Variants in AFG3L2 observed in about 807,000 individuals in gnomAD.
The protein encoded by AFG3L2 is mitochondrial inner membrane m-AAA protease component AFG3L2.
In AFG3L2, 54 loss-of-function variants were observed where a neutral mutation model predicts 94.5. That is an observed-to-expected ratio of 0.57 (90% CI 0.46 to 0.72). The LOEUF is 0.72. AFG3L2 is among the 30% of genes least tolerant of loss of function. AFG3L2 has a pLI of 0.00. For missense variants in AFG3L2, 754 were observed against 994.9 expected (o/e 0.76, Z 3.26); for synonymous variants, 377 against 365.5 (o/e 1.03, Z -0.36).
intron 1 of AFG3L2, among the ~76,000 whole-genome samples, chr18:12,375,055 C>CA (rs201750735): frequency 0.044 from 4,415 of 100,616 alleles, 101 homozygotes; most frequent in African/African-American, 0.077. Flanking sequence ...GACCCTGTCT[C>CA]AAAAAAAAAA....
intron 5 of AFG3L2, among the ~76,000 whole-genome samples, chr18:12,366,759 A>G (rs1908819476): frequency 2.0e-5 from 3 of 152,214 alleles, no homozygotes. Context: ...TAGTGAAATA[A>G]AAGAATTTGT....
intron 3 of AFG3L2, among the ~76,000 whole-genome samples, chr18:12,368,005 T>C (rs745982681): frequency 1.4e-4 from 21 of 151,914 alleles, no homozygotes; most frequent in Non-Finnish European, 1.9e-4. Context: ...CTGTCTCTAC[T>C]AAAAATACAA....
At chr18:12,363,919 G>A in intron 5 of AFG3L2, 63 bp from the exon 6 acceptor site, 4 of 1,264,194 alleles carry the variant, frequency 3.2e-6, no homozygotes, top group Non-Finnish European at 4.6e-6. Flanking sequence ...ACTCTTTTAA[G>A]CTCATTTAAA....
chr18:12,340,754 C>A (rs1449734647), intron 14 of AFG3L2, among the ~76,000 whole-genome samples: 1 of 151,914 alleles, frequency 6.6e-6, no homozygotes, highest in Non-Finnish European at 1.5e-5. Flanking sequence ...CACCACCAGG[C>A]CTGGCTAATT....
intron 16 of AFG3L2, among the ~76,000 whole-genome samples, chr18:12,333,098 C>T (rs1348010878): frequency 3.9e-5 from 1 of 25,602 alleles, no homozygotes; most frequent in African/African-American, 9.7e-5. Context: ...AGATTATAAT[C>T]TATTATATAA....
rs1907781566 is a variant in AFG3L2 at position 12,337,373 on chromosome 18, G to C, written c.2143C>G (p.Leu715Val). ...ACGTCAGCTTTCTTTTCTGTGAGAA[G>C]AGCTACTGTTCTTTTATAAGCATCA... ...INDAYKRTVA[L>V]LTEKKADVEK... Residue 715 changes from leucine (L) to valine (V), a missense_variant, in exon 16 of 17, where the codon CTT becomes GTT. Leu to Val is a conservative substitution (Grantham distance 32). Around this residue, in one of 4 missense-constraint regions of AFG3L2, gnomAD observed 279 missense variants for 378.6 expected, o/e 0.74. Coordinates refer to ENST00000269143, the MANE Select transcript of AFG3L2 (RefSeq NM_006796.3). 1.2e-6 allele frequency: 2 copies of C among 1,614,014 alleles called. No individual in the cohort carries two copies. Among genetic ancestry groups the C allele is most frequent in the Admixed American group, 1.7e-5 (1 of 60,012 alleles).
At chr18:12,357,368 CCA>C (rs1418591657) in intron 8 of AFG3L2, among the ~76,000 whole-genome samples, 9 of 152,066 alleles carry the variant, frequency 5.9e-5, no homozygotes, top group Admixed American at 5.9e-4. Flanking sequence ...CACTGACTAC[CCA>C]CAAACAGTAT....
At chr18:12,375,738 G>T (rs1381693098) in intron 1 of AFG3L2, among the ~76,000 whole-genome samples, 1 of 152,124 alleles carries the variant, frequency 6.6e-6, no homozygotes, top group African/African-American at 2.4e-5. Flanking sequence ...GTAGAGATGG[G>T]GTTTCACCGT....
At chr18:12,361,626 G>A (rs184478277) in intron 6 of AFG3L2, among the ~76,000 whole-genome samples, 6 of 152,262 alleles carry the variant, frequency 3.9e-5, no homozygotes, top group Non-Finnish European at 5.9e-5. Context: ...CAGCCTGGGC[G>A]ACAAAGTCAG....
At chr18:12,368,198 AT>A (rs1364138485) in intron 3 of AFG3L2, among the ~76,000 whole-genome samples, 9 of 151,840 alleles carry the variant, frequency 5.9e-5, no homozygotes. Flanking sequence ...AAATAAAAAA[AT>A]AAAATAAAAA....
intron 16 of AFG3L2, among the ~76,000 whole-genome samples, chr18:12,333,018 TTAATAA>T (rs1204871209): frequency 6.3e-5 from 5 of 79,702 alleles, no homozygotes; most frequent in South Asian, 4.2e-4. Flanking sequence ...ATAAAATATA[TTAATAA>T]TATATAAAAA....
At chr18:12,370,971 A>G (rs940244428) in intron 2 of AFG3L2, 45 bp from the exon 3 acceptor site, 4 of 1,234,542 alleles carry the variant, frequency 3.2e-6, no homozygotes, top group Non-Finnish European at 4.6e-6. Context: ...ACTAAAATTC[A>G]TCAGGTTTGT....
chr18:12,356,976 A>C (rs935264151), intron 8 of AFG3L2, 145 bp from the exon 9 acceptor site: 3 of 828,582 alleles, frequency 3.6e-6, no homozygotes, highest in African/African-American at 1.7e-5. Context: ...GCTATGGTAG[A>C]ACATTTTTAT....
intron 8 of AFG3L2, 88 bp downstream of exon 8, chr18:12,358,582 T>G: frequency 6.8e-7 from 1 of 1,470,942 alleles, no homozygotes; most frequent in Middle Eastern, 2.3e-4. Context: ...GAAAAACAGC[T>G]ATCTATAATA....
At chr18:12,354,706 C>T (rs1296372978) in intron 9 of AFG3L2, among the ~76,000 whole-genome samples, 1 of 152,178 alleles carries the variant, frequency 6.6e-6, no homozygotes, top group Non-Finnish European at 1.5e-5. Context: ...GACCCACAGA[C>T]ACACTCAGGT....
intron 15 of AFG3L2, among the ~76,000 whole-genome samples, chr18:12,337,961 GT>G (rs970433236): frequency 2.0e-4 from 30 of 152,154 alleles, no homozygotes; most frequent in African/African-American, 7.0e-4. Context: ...ATAGAGACGG[GT>G]TTTTGTCATG....
At chr18:12,356,888 G>A (rs969509812) in intron 8 of AFG3L2, 57 bp from the exon 9 acceptor site, 10 of 1,541,428 alleles carry the variant, frequency 6.5e-6, no homozygotes, top group Non-Finnish European at 8.9e-6. Context: ...AGTAAATTGT[G>A]TATCCACAAA....
In AFG3L2 at chr18:12,352,966, A is replaced by T. The variant is rs753701219; in HGVS notation, c.1318+39T>A. On this transcript the variant is annotated intron_variant, in intron 10 of 16. Coordinates refer to ENST00000269143, the MANE Select transcript of AFG3L2 (RefSeq NM_006796.3). Reference sequence around the variant, plus strand: ...CAGACTCCATCTCAAAAAAAAAAACAAAAGTGCAGTTAAAGATACAAAAGC... The same window carrying T: ...CAGACTCCATCTCAAAAAAAAAAACTAAAGTGCAGTTAAAGATACAAAAGC... 1.1e-5 allele frequency: 18 copies of T among 1,605,970 alleles called. 1 individual carries two copies. Among genetic ancestry groups the T allele is most frequent in the Middle Eastern group, 2.0e-4 (1 of 5,108 alleles).
chr18:12,374,189 T>C (rs1401112981), intron 1 of AFG3L2, among the ~76,000 whole-genome samples: 58 of 152,210 alleles, frequency 3.8e-4, no homozygotes, highest in Admixed American at 3.8e-3. Flanking sequence ...ATGAAACTTC[T>C]TCTCCTCTGC....
Sources: allele counts gnomAD v4.1 joint callset (sites outside exome capture counted in the v4.1 genomes callset), GRCh38; gene constraint gnomAD v4.1.1; regional missense constraint gnomAD v4.1.1; transcripts MANE v1.5; gene names NCBI Gene and HGNC (gene_info 2026-07-23, HGNC 2026-07-21).